IL16: variants seen among roughly 807,000 people sequenced by gnomAD.
The protein encoded by IL16 is interleukin 16.
IL16 carries 67 observed loss-of-function variants against 110.1 expected under a neutral mutation model. The ratio of observed to expected loss-of-function variants is 0.61; its 90% CI spans 0.50 to 0.75. The LOEUF is 0.75. Ranked by LOEUF, IL16 falls within the 30% of genes least tolerant of loss-of-function variation. IL16 has a pLI of 0.00. For missense variants in IL16, 1,545 were observed against 1,655.0 expected, an observed-to-expected ratio of 0.93 and a Z score of 1.15; for synonymous variants, 689 against 662.9, an observed-to-expected ratio of 1.04 and a Z score of -0.61.
At chr15:81,184,801 A>C (rs1895394816) in intron 1 of IL16, among the ~76,000 whole-genome samples, 3 of 152,134 alleles carry the variant, frequency 2.0e-5, no homozygotes. Context: ...CATATCTGGG[A>C]CTCAGTGTCC....
chr15:81,290,389 G>A (rs895131398), intron 10 of IL16, 64 bp from the exon 11 acceptor site: 22 of 1,166,352 alleles, frequency 1.9e-5, no homozygotes, highest in South Asian at 9.7e-5. Flanking sequence ...GAGCTGGTAC[G>A]GGGCTGGGAG....
chr15:81,304,696 A>C (rs1900463605), intron 16 of IL16, among the ~76,000 whole-genome samples: 1 of 152,146 alleles, frequency 6.6e-6, no homozygotes, highest in East Asian at 1.9e-4. Flanking sequence ...CCTTTAATTA[A>C]CTTTAATCTT....
At chr15:81,281,447 T>C (rs942378235) in intron 8 of IL16, among the ~76,000 whole-genome samples, 8 of 152,196 alleles carry the variant, frequency 5.3e-5, no homozygotes, top group Admixed American at 2.6e-4. Context: ...ACCACCTACA[T>C]GCAGCTACGT....
At chr15:81,220,933 A>T (rs549442692) in intron 1 of IL16, among the ~76,000 whole-genome samples, 5 of 152,274 alleles carry the variant, frequency 3.3e-5, no homozygotes, top group African/African-American at 1.2e-4. Context: ...TTTCTTTTCA[A>T]TTCAGCTCTA....
chr15:81,294,568 T>C (rs1014770883), intron 12 of IL16, among the ~76,000 whole-genome samples: 3 of 152,198 alleles, frequency 2.0e-5, no homozygotes, highest in African/African-American at 4.8e-5. Flanking sequence ...TCATCTTTCA[T>C]GCCCTGTGTG....
At chr15:81,207,845 T>G (rs1420694520) in intron 1 of IL16, among the ~76,000 whole-genome samples, 1 of 61,914 alleles carries the variant, frequency 1.6e-5, no homozygotes, top group African/African-American at 2.5e-4. Context: ...GCATGTGGGT[T>G]TTTTTTTTTT....
At chr15:81,234,511 C>G (rs957125973) in intron 2 of IL16, among the ~76,000 whole-genome samples, 7 of 152,208 alleles carry the variant, frequency 4.6e-5, no homozygotes, top group African/African-American at 1.4e-4. Context: ...TCAAATAATG[C>G]TAAAACCTTA....
intron 1 of IL16, among the ~76,000 whole-genome samples, chr15:81,223,781 G>A (rs528061585): frequency 7.4e-4 from 112 of 152,354 alleles, no homozygotes; most frequent in Non-Finnish European, 1.4e-3. Context: ...TGGTGGCCAC[G>A]AATGTTTCAT....
intron 2 of IL16, among the ~76,000 whole-genome samples, chr15:81,253,925 C>G (rs554651788): frequency 2.6e-4 from 39 of 152,196 alleles, no homozygotes; most frequent in African/African-American, 9.4e-4. Flanking sequence ...CCCAACCTTC[C>G]CCTCCATATC....
chr15:81,229,537 C>CT (rs1015643153), intron 2 of IL16, among the ~76,000 whole-genome samples: 4 of 151,866 alleles, frequency 2.6e-5, no homozygotes, highest in Non-Finnish European at 4.4e-5. Flanking sequence ...CTCTCTTGTT[C>CT]TTTTTTTTAA....
At chr15:81,189,871 AAGT>A (rs2141918593) in intron 1 of IL16, among the ~76,000 whole-genome samples, 1 of 152,328 alleles carries the variant, frequency 6.6e-6, no homozygotes, top group African/African-American at 2.4e-5. Context: ...TAAGAGAAGA[AAGT>A]AGGGATTTCT....
chr15:81,215,560 A>G (rs1312824369), intron 1 of IL16, among the ~76,000 whole-genome samples: 1 of 152,166 alleles, frequency 6.6e-6, no homozygotes. Context: ...AGGTCTGCTC[A>G]TGAGCCTTGG....
intron 14 of IL16, among the ~76,000 whole-genome samples, chr15:81,300,899 C>T (rs1275082405): frequency 6.6e-6 from 1 of 152,228 alleles, no homozygotes; most frequent in African/African-American, 2.4e-5. Flanking sequence ...TCCACTTGTA[C>T]TCTGCACGTG....
At position 81,309,889 on chromosome 15, in the gene IL16, C is replaced by G. The variant is rs1223062138; in HGVS notation, c.*1091C>G. ...TTGATAAGAGGGCACACACTGTGTA[C>G]AGTAAATGGCTTATCCAGCTGGTGA... On this transcript the variant is annotated 3_prime_UTR_variant, in exon 19 of 19. Coordinates refer to ENST00000683961, the MANE Select transcript of IL16 (RefSeq NM_172217.5). 1.3e-5 allele frequency: 2 copies of G among 152,262 alleles called. No individual in the cohort carries two copies. 9.4% of individuals were successfully genotyped at this position (152,262 alleles called of 1,614,324 possible).
chr15:81,276,931 A>G (rs1469165962), intron 6 of IL16, among the ~76,000 whole-genome samples: 2 of 152,212 alleles, frequency 1.3e-5, no homozygotes, highest in Non-Finnish European at 2.9e-5. Context: ...TAACAACTTA[A>G]CAGAACAATC....
chr15:81,231,661 C>G lies in IL16; in HGVS notation c.312+5950C>G, dbSNP rs1052639840. ...GTGCTGGGATTACAAGAGTGAGCCA[C>G]TCTGCTCGGCCTACCCAAAGGTCAT... On this transcript the variant is annotated intron_variant, in intron 2 of 18. Transcript: ENST00000683961. 1.2e-4 allele frequency among the ~76,000 whole-genome samples: 18 copies of G among 152,342 alleles called. No individual in the cohort carries two copies. In the East Asian group the frequency reaches 3.5e-3, roughly 29 times the overall value.
rs1224126531 is a variant in IL16 at position 81,309,802 on chromosome 15, A to T, written c.*1004A>T. ...CATGCCAAGCACTGTGCTCAGGGCTAAACGGGCATTGCCTTTAGTGATCAC... is the reference window on the plus strand; with the variant it reads ...CATGCCAAGCACTGTGCTCAGGGCTTAACGGGCATTGCCTTTAGTGATCAC... On this transcript the variant is annotated 3_prime_UTR_variant, in exon 19 of 19. Coordinates refer to ENST00000683961, the MANE Select transcript of IL16 (RefSeq NM_172217.5). 3.6e-4 allele frequency: 55 copies of T among 152,278 alleles called. No individual in the cohort carries two copies. Among genetic ancestry groups the T allele is most frequent in the Admixed American group, 3.6e-3 (55 of 15,284 alleles). 9.4% of individuals were successfully genotyped at this position (152,278 alleles called of 1,614,324 possible). A position where few individuals can be genotyped will look rare whatever the true frequency, so the allele number is the denominator to read the frequency against.
At position 81,310,247 on chromosome 15, in the gene IL16, T is replaced by A. The variant is rs950994302; in HGVS notation, c.*1449T>A. On this transcript the variant is annotated 3_prime_UTR_variant, in exon 19 of 19. Coordinates refer to ENST00000683961, the MANE Select transcript of IL16 (RefSeq NM_172217.5). ...CAGGCCATCATCAGTGGAGCCATGT[T>A]AATGTAATCTGATGGCTTCTCCAGG... The A allele has an allele frequency of 1.3e-5, 2 of 152,250 alleles. No individual in the cohort carries two copies. The highest frequency in any genetic ancestry group is 2.9e-5 in the Non-Finnish European group (2 of 68,042). The allele number at this position is 152,250 out of a possible 1,614,324, so 9.4% of individuals were successfully genotyped here.
At position 81,220,430 on chromosome 15, in the gene IL16, C is replaced by G. The variant is rs1390840366; in HGVS notation, c.-101-4869C>G. Among the ~76,000 whole-genome samples the G allele has an allele frequency of 3.3e-5, 5 of 152,200 alleles. No individual in the cohort carries two copies. The East Asian group carries it at 9.6e-4, about 29-fold the overall frequency. On this transcript the variant is annotated intron_variant, in intron 1 of 18. Transcript: ENST00000683961. ...TCGGCATCCCAAAGTGTTGGGATTA[C>G]AGGCTTGAGCCACTGTACCCCACCT...
Sources: allele counts gnomAD v4.1 joint callset (sites outside exome capture counted in the v4.1 genomes callset), GRCh38; gene constraint gnomAD v4.1.1; transcripts MANE v1.5; gene names NCBI Gene and HGNC (gene_info 2026-07-23, HGNC 2026-07-21).